HSD17B12: variants seen among roughly 807,000 people sequenced by gnomAD.
HSD17B12 encodes the protein hydroxysteroid 17-beta dehydrogenase 12.
Under a neutral mutation model 39.3 loss-of-function variants are expected in HSD17B12, and 32 were observed. That is an observed-to-expected ratio of 0.81 (90% CI 0.61 to 1.09). The LOEUF (loss-of-function observed/expected upper bound fraction) is 1.09, where lower values mean the gene tolerates loss of function less well. HSD17B12 is among the 50% of genes least tolerant of loss of function. The pLI is 0.00. For missense variants in HSD17B12, 342 were observed against 382.9 expected (o/e 0.89, Z 0.89); for synonymous variants, 150 against 146.7 (o/e 1.02, Z -0.16).
intron 3 of HSD17B12, among the ~76,000 whole-genome samples, chr11:43,797,988 A>G (rs750802417): frequency 6.6e-6 from 1 of 152,234 alleles, no homozygotes; most frequent in Non-Finnish European, 1.5e-5. Flanking sequence ...TTTAAAGAGT[A>G]TATAACTTTA....
upstream of HSD17B12, chr11:43,680,422 C>A (rs1338579042): frequency 4.4e-6 from 1 of 225,062 alleles, no homozygotes; most frequent in Non-Finnish European, 9.2e-6. Context: ...CTTCTCTGAT[C>A]CCATTTCCTC....
the HSD17B12 span, among the ~76,000 whole-genome samples, chr11:43,618,944 A>G: frequency 6.6e-6 from 1 of 151,702 alleles, no homozygotes; most frequent in Admixed American, 6.6e-5. Flanking sequence ...GGGCTCAGAC[A>G]TGCACTCAAG....
At chr11:43,568,713 G>C in the HSD17B12 span, among the ~76,000 whole-genome samples, 1 of 152,222 alleles carries the variant, frequency 6.6e-6, no homozygotes, top group Non-Finnish European at 1.5e-5. Flanking sequence ...GCAGAATCAA[G>C]ACCAGAACTG....
intron 6 of HSD17B12, among the ~76,000 whole-genome samples, chr11:43,818,601 G>A (rs1178260152): frequency 6.6e-6 from 1 of 152,102 alleles, no homozygotes. Flanking sequence ...CTAGTTTAAG[G>A]AAATTCAAAG....
At chr11:43,679,099 CTT>C (rs906094442), upstream of HSD17B12, among the ~76,000 whole-genome samples, 4 of 152,176 alleles carry the variant, frequency 2.6e-5, no homozygotes, top group Non-Finnish European at 5.9e-5. Context: ...TTTGTGTCCT[CTT>C]TTATTTCGTT....
chr11:43,825,905 C>T (rs992987452), intron 6 of HSD17B12, among the ~76,000 whole-genome samples: 3 of 150,420 alleles, frequency 2.0e-5, no homozygotes, highest in African/African-American at 4.9e-5. Flanking sequence ...GCCTTATATA[C>T]GAGTGAAAAT....
chr11:43,767,287 C>T (rs576209486), intron 3 of HSD17B12, among the ~76,000 whole-genome samples: 9 of 151,442 alleles, frequency 5.9e-5, no homozygotes, highest in South Asian at 2.1e-4. Flanking sequence ...GAGAATGTTT[C>T]GCCTCCCACT....
chr11:43,673,816 C>T, the HSD17B12 span, among the ~76,000 whole-genome samples: 8 of 152,254 alleles, frequency 5.3e-5, no homozygotes, highest in African/African-American at 1.9e-4. Flanking sequence ...AGCCTTTAGT[C>T]ATTTTTTAGA....
chr11:43,618,591 A>T, the HSD17B12 span, among the ~76,000 whole-genome samples: 1 of 152,190 alleles, frequency 6.6e-6, no homozygotes, highest in Admixed American at 6.5e-5. Context: ...CCAACTCAAA[A>T]AATGTCCTAC....
At chr11:43,603,840 TTTTCCATATTTA>T in the HSD17B12 span, among the ~76,000 whole-genome samples, 2 of 152,188 alleles carry the variant, frequency 1.3e-5, no homozygotes, top group Non-Finnish European at 2.9e-5. Flanking sequence ...AGACCAGTAT[TTTTCCATATTTA>T]TTCTTAGCTC....
intron 1 of HSD17B12, among the ~76,000 whole-genome samples, chr11:43,690,146 A>G (rs1447167836): frequency 6.6e-6 from 1 of 151,168 alleles, no homozygotes; most frequent in Non-Finnish European, 1.5e-5. Context: ...CCTATCCATT[A>G]CCCTGCCCCA....
At chr11:43,838,267 A>G (rs750234794) in intron 7 of HSD17B12, 50 bp from the exon 8 acceptor site, 4 of 1,201,400 alleles carry the variant, frequency 3.3e-6, no homozygotes, top group Non-Finnish European at 5.0e-6. Flanking sequence ...TTCACAAACA[A>G]CTGCATACTG....
At chr11:43,631,993 C>G in the HSD17B12 span, among the ~76,000 whole-genome samples, 1 of 151,994 alleles carries the variant, frequency 6.6e-6, no homozygotes, top group African/African-American at 2.4e-5. Flanking sequence ...TACTACTGAG[C>G]AGAGTGTGTG....
intron 3 of HSD17B12, among the ~76,000 whole-genome samples, chr11:43,777,388 C>G (rs1250455221): frequency 6.6e-6 from 1 of 152,158 alleles, no homozygotes; most frequent in African/African-American, 2.4e-5. Context: ...GGAGTTCACT[C>G]ATGATTTGGC....
chr11:43,696,217 G>T (rs771027586), intron 1 of HSD17B12, among the ~76,000 whole-genome samples: 1 of 152,050 alleles, frequency 6.6e-6, no homozygotes, highest in African/African-American at 2.4e-5. Context: ...TCATTGTGTG[G>T]TGATTATATG....
intron 1 of HSD17B12, among the ~76,000 whole-genome samples, chr11:43,700,892 T>C (rs115287727): frequency 0.012 from 1,792 of 152,298 alleles, 39 homozygotes; most frequent in African/African-American, 0.041. Context: ...CAATTTTTAG[T>C]TTTCTGAGAA....
At chr11:43,809,806 G>A (rs755555156) in intron 4 of HSD17B12, among the ~76,000 whole-genome samples, 10 of 152,106 alleles carry the variant, frequency 6.6e-5, no homozygotes, top group Non-Finnish European at 1.3e-4. Flanking sequence ...CAACATGAGC[G>A]AAATTCTGTC....
intron 1 of HSD17B12, among the ~76,000 whole-genome samples, chr11:43,687,689 G>T (rs1949814510): frequency 6.6e-6 from 1 of 152,218 alleles, no homozygotes; most frequent in South Asian, 2.1e-4. Context: ...GAACTGGAGA[G>T]GCAAGAAGGG....
intron 1 of HSD17B12, among the ~76,000 whole-genome samples, chr11:43,730,534 A>G (rs1950258715): frequency 6.6e-6 from 1 of 152,222 alleles, no homozygotes; most frequent in Non-Finnish European, 1.5e-5. Context: ...AAATTAGTTG[A>G]GAATAAATGA....
Sources: allele counts gnomAD v4.1 joint callset (sites outside exome capture counted in the v4.1 genomes callset), GRCh38; gene constraint gnomAD v4.1.1; transcripts MANE v1.5; gene names NCBI Gene and HGNC (gene_info 2026-07-23, HGNC 2026-07-21).